The following CLDN16 variants were observed in gnomAD, a reference collection of about 807,000 sequenced individuals.
The protein encoded by CLDN16 is claudin 16.
Under a neutral mutation model 24.6 loss-of-function variants are expected in CLDN16, and 13 were observed. That is an observed-to-expected ratio of 0.53 (90% CI 0.34 to 0.84). The LOEUF (loss-of-function observed/expected upper bound fraction) is 0.84. Ranked by LOEUF, CLDN16 falls within the 40% of genes least tolerant of loss-of-function variation. The probability of loss-of-function intolerance (pLI) is 0.01; values close to 1 mark genes in which losing one functional copy is unlikely to be tolerated. For missense variants in CLDN16, 298 were observed against 292.7 expected (o/e 1.02, Z -0.13); for synonymous variants, 116 against 106.7 (o/e 1.09, Z -0.54).
intron 1 of CLDN16, among the ~76,000 whole-genome samples, chr3:190,367,231 C>T (rs192470967): frequency 2.6e-5 from 4 of 151,706 alleles, no homozygotes; most frequent in Non-Finnish European, 5.9e-5. Flanking sequence ...TGTATTTGAC[C>T]ATAGATATTA....
the CLDN16 span, among the ~76,000 whole-genome samples, chr3:190,297,066 A>T: frequency 1.3e-5 from 2 of 152,034 alleles, no homozygotes; most frequent in African/African-American, 4.8e-5. Context: ...TTGGATAAAG[A>T]TTTGACACAT....
Position 190,402,428 on chromosome 3 carries a change from C to A in CLDN16, c.206C>A (p.Ala69Glu). 1.2e-6 allele frequency: 2 copies of A among 1,612,392 alleles called. No homozygotes were observed. Among genetic ancestry groups the A allele is most frequent in the Non-Finnish European group, 1.7e-6 (2 of 1,178,630 alleles). ...TGTGATGAGTACGATTCCATACTTG[C>A]GGAGCATCCCTGTACGTATGCCTTA... ...RTCDEYDSIL[A>E]EHPLKLVVTR... Residue 69 changes from alanine (A) to glutamate (E), a missense_variant, in exon 2 of 5, where the codon GCG (alanine) becomes GAG (glutamate). Coordinates refer to ENST00000264734, the MANE Select transcript of CLDN16 (RefSeq NM_006580.4).
intron 4 of CLDN16, 60 bp from the exon 5 acceptor site, chr3:190,409,843 T>C (rs1719226191): frequency 6.8e-7 from 1 of 1,460,206 alleles, no homozygotes; most frequent in South Asian, 1.1e-5. Context: ...TATAAAATGG[T>C]ATTTTATAAT....
intron 1 of CLDN16, among the ~76,000 whole-genome samples, chr3:190,343,357 G>T (rs1381394545): frequency 6.6e-6 from 1 of 152,002 alleles, no homozygotes. Flanking sequence ...ACACTTTTGG[G>T]AATGTAGATT....
chr3:190,373,252 A>G (rs921283290), intron 2 of CLDN16, among the ~76,000 whole-genome samples: 1 of 151,778 alleles, frequency 6.6e-6, no homozygotes, highest in Non-Finnish European at 1.5e-5. Context: ...CAGGGTTTCT[A>G]GAGCCTTAGT....
At chr3:190,345,825 A>T (rs1717538707) in intron 1 of CLDN16, among the ~76,000 whole-genome samples, 1 of 152,178 alleles carries the variant, frequency 6.6e-6, no homozygotes, top group Non-Finnish European at 1.5e-5. Flanking sequence ...CAGTCTATCC[A>T]TCTGTCCCCT....
At chr3:190,378,764 T>C (rs4687141) in intron 3 of CLDN16, among the ~76,000 whole-genome samples, 113,358 of 151,880 alleles carry the variant, frequency 0.75, 42,359 homozygotes, top group East Asian at 0.83. Flanking sequence ...CATTGGCTTT[T>C]GTAATTTCCA....
rs985093243 is a variant in CLDN16, at chr3:190,356,904, T to C, written n.122-13989T>C. On this transcript the variant is annotated intron_variant and non_coding_transcript_variant, in intron 1 of 4. Transcript: ENST00000468220. ...GCCTTCAAATTGCAAAATTATCCCA[T>C]GTGAACTAATATACAAAGATTCTAA... Among the ~76,000 whole-genome samples the C allele has an allele frequency of 2.6e-5, 4 of 151,936 alleles. No individual in the cohort carries two copies. The East Asian group carries it at 5.8e-4, about 22-fold the overall frequency.
At position 190,388,348 on chromosome 3, in the gene CLDN16, T is replaced by C. The variant is rs375640819; in HGVS notation, c.19T>C (p.Tyr7His). 8.3e-5 allele frequency: 134 copies of C among 1,614,020 alleles called. No homozygotes were observed. The highest frequency in any genetic ancestry group is 1.5e-4 in the South Asian group (14 of 91,080). MRDLLQYIACFFAFFSA... is the reference protein window; with the variant it reads MRDLLQHIACFFAFFSA... ...TGCCACAATGAGGGATCTTCTTCAA[T>C]ACATCGCTTGCTTCTTTGCCTTTTT... Residue 7 changes from tyrosine (Y) to histidine (H), a missense_variant, in exon 1 of 5, where the codon TAC becomes CAC. By Grantham distance (83) the Tyr-to-His change is moderately conservative (BLOSUM62 2). Coordinates refer to ENST00000264734, the MANE Select transcript of CLDN16 (RefSeq NM_006580.4).
intron 1 of CLDN16, among the ~76,000 whole-genome samples, chr3:190,335,966 T>C (rs1450599191): frequency 1.3e-5 from 2 of 152,180 alleles, no homozygotes; most frequent in Admixed American, 6.5e-5. Flanking sequence ...GTTTCTTGAA[T>C]GTTCTAACAG....
the CLDN16 span, among the ~76,000 whole-genome samples, chr3:190,297,467 G>T: frequency 2.5e-5 from 3 of 120,172 alleles, no homozygotes; most frequent in Admixed American, 1.8e-4. Context: ...CATATTAATT[G>T]TTATATTATC....
chr3:190,365,505 G>A (rs922801879), intron 1 of CLDN16, among the ~76,000 whole-genome samples: 4 of 148,632 alleles, frequency 2.7e-5, no homozygotes, highest in South Asian at 2.2e-4. Flanking sequence ...ACCATCTTCC[G>A]TGAAAGTTCT....
At chr3:190,369,906 T>A (rs1718100758) in intron 1 of CLDN16, among the ~76,000 whole-genome samples, 1 of 151,968 alleles carries the variant, frequency 6.6e-6, no homozygotes, top group Non-Finnish European at 1.5e-5. Flanking sequence ...GAGTAAAAGG[T>A]CTGAGTAGAT....
the CLDN16 span, among the ~76,000 whole-genome samples, chr3:190,317,052 G>A: frequency 2.0e-5 from 3 of 152,154 alleles, no homozygotes; most frequent in African/African-American, 7.2e-5. Context: ...ATGAGTGGCA[G>A]AGCAGAGAAG....
the CLDN16 span, among the ~76,000 whole-genome samples, chr3:190,301,493 C>A: frequency 1.4e-5 from 2 of 143,762 alleles, no homozygotes. Flanking sequence ...GACTCTGTCT[C>A]AAAAAAAAAG....
intron 1 of CLDN16, among the ~76,000 whole-genome samples, chr3:190,352,595 A>G (rs1717692049): frequency 6.6e-6 from 1 of 152,150 alleles, no homozygotes; most frequent in African/African-American, 2.4e-5. Context: ...CAAAGTAGCT[A>G]TGGTTGCGAA....
At chr3:190,308,325 T>A in the CLDN16 span, 5 of 1,613,682 alleles carry the variant, frequency 3.1e-6, no homozygotes, top group Non-Finnish European at 4.2e-6. Context: ...GATAGGGCCT[T>A]GGTGTTGGGT....
intron 3 of CLDN16, among the ~76,000 whole-genome samples, chr3:190,405,532 T>C (rs113463675): frequency 1.8e-3 from 267 of 152,098 alleles, no homozygotes; most frequent in African/African-American, 6.0e-3. Flanking sequence ...ATAATTTATC[T>C]TGTGATTATT....
upstream of CLDN16, among the ~76,000 whole-genome samples, chr3:190,318,566 G>A (rs1384035911): frequency 2.0e-5 from 3 of 152,064 alleles, no homozygotes; most frequent in African/African-American, 7.2e-5. Context: ...TTGAAACCAG[G>A]GAGATCAAGT....
Sources: allele counts gnomAD v4.1 joint callset (sites outside exome capture counted in the v4.1 genomes callset), GRCh38; gene constraint gnomAD v4.1.1; transcripts MANE v1.5; gene names NCBI Gene and HGNC (gene_info 2026-07-23, HGNC 2026-07-21).